Variants in MFSD6 observed in about 807,000 individuals in gnomAD.
The protein encoded by MFSD6 is major facilitator superfamily domain containing 6, also known as major facilitator superfamily domain-containing protein 6.
MFSD6 carries 26 observed loss-of-function variants against 56.3 expected under a neutral mutation model. That is an observed-to-expected ratio of 0.46 (90% confidence interval 0.34 to 0.64). The LOEUF (loss-of-function observed/expected upper bound fraction) is 0.64. Among genes scored for constraint, MFSD6 ranks in the 30% least tolerant of loss-of-function variants. MFSD6 has a pLI of 0.01. For missense variants in MFSD6, 750 were observed against 986.2 expected, an observed-to-expected ratio of 0.76 and a Z score of 3.21; for synonymous variants, 331 against 366.9, an observed-to-expected ratio of 0.90 and a Z score of 1.12.
rs576149265 is a variant in MFSD6, at chr2:190,477,907, A to C, written c.1630+8052A>C. On this transcript the variant is annotated intron_variant, in intron 4 of 7. Coordinates refer to ENST00000392328, the MANE Select transcript of MFSD6 (RefSeq NM_017694.4). ...AGCTAGATTCTGAAGGGCGAATAGG[A>C]ATCTACCAGGTGGTCTAAAGAGAGT... is the stretch of plus-strand genomic sequence containing the variant. 5.3e-5 allele frequency among the ~76,000 whole-genome samples: 8 copies of C among 152,164 alleles called. No individual in the cohort carries two copies. In the South Asian group the frequency reaches 1.7e-3, roughly 32 times the overall value.
intron 3 of MFSD6, among the ~76,000 whole-genome samples, chr2:190,468,261 T>G (rs1353567524): frequency 6.6e-6 from 1 of 152,186 alleles, no homozygotes; most frequent in East Asian, 1.9e-4. Context: ...CTTTTTGTAA[T>G]ACTTCACTGA....
rs1179724618 is a variant in MFSD6 at position 190,491,567 on chromosome 2, C to T, written c.1891+1701C>T. ...AGATCCAGAAGAGAAATGACAATCA[C>T]TACAGCCTGGCTGTCAGGAAGCCAC... On this transcript the variant is annotated intron_variant, in intron 6 of 7. Transcript: ENST00000392328. This position sits in a 1 kb window ranked among gnomAD's most constrained non-coding sequence, Gnocchi z 4.2. 6.6e-6 allele frequency among the ~76,000 whole-genome samples: 1 copy of T among 152,202 alleles called. No homozygotes were observed. Among genetic ancestry groups the T allele is most frequent in the Non-Finnish European group, 1.5e-5 (1 of 68,032 alleles).
In MFSD6 at chr2:190,436,779, C is replaced by T. The variant is rs1247492511; in HGVS notation, c.750C>T (p.Val250=). 1.2e-6 allele frequency: 2 copies of T among 1,614,096 alleles called. No individual in the cohort carries two copies. ...TGAACTCAAGCACAGCAACCCCTGT[C>T]TCCCCAGGAAGCGTAACCAAGGAGA... ...LTLNSSTATP[V]SPGSVTKETT... Residue 250 remains valine, a synonymous_variant, in exon 3 of 8, where the codon GTC becomes GTT. Coordinates refer to ENST00000392328, the MANE Select transcript of MFSD6 (RefSeq NM_017694.4). The surrounding 1 kb of genome is among the most constrained non-coding windows in gnomAD (Gnocchi z 5.3).
At chr2:190,481,944 ATC>A (rs777915768) in intron 4 of MFSD6, among the ~76,000 whole-genome samples, 12 of 152,208 alleles carry the variant, frequency 7.9e-5, no homozygotes, top group Non-Finnish European at 1.6e-4. Flanking sequence ...GCTACTCACC[ATC>A]TCTGTTTCCT....
Position 190,438,902 on chromosome 2 carries a change from TG to T in MFSD6, c.1532+1343del, listed in dbSNP as rs1686272245. On this transcript the variant is annotated intron_variant, in intron 3 of 7. Transcript: ENST00000392328. This position sits in a 1 kb window ranked among gnomAD's most constrained non-coding sequence, Gnocchi z 5.2. ...AGCAATTGTGAGTATTTTTTCTTGT[TG>T]GTTTGGTTTTGCTTCGGGAGGTGGT... Among the ~76,000 whole-genome samples the T allele has an allele frequency of 6.6e-6, 1 of 152,182 alleles. No homozygotes were observed. The highest frequency in any genetic ancestry group is 6.5e-5 in the Admixed American group (1 of 15,284).
rs575046191 is a variant in MFSD6 at position 190,499,340 on chromosome 2, G to A, written c.2173-675G>A. Among the ~76,000 whole-genome samples, 124 of 152,174 alleles carry A rather than the reference G, an allele frequency of 8.1e-4. 2 individuals are homozygous for A. Among genetic ancestry groups the A allele is most frequent in the Middle Eastern group, 3.4e-3 (1 of 294 alleles). ...CAAAAAGTGATGGGTACTAATTTGG[G>A]GGAGAATCCATTTAAATTTTTTTTT... On this transcript the variant is annotated intron_variant, in intron 7 of 7. Transcript: ENST00000392328. The surrounding 1 kb of genome is among the most constrained non-coding windows in gnomAD (Gnocchi z 6.0).
rs1391643916 is a variant in MFSD6 at position 190,424,172 on chromosome 2, T to C, written c.-54+8759T>C. Reference sequence around the variant, plus strand: ...TAACATTAGTTTTTCCTTTTATGGATCATGGTATCGGTGTCAAGTCTAAAA... The same window carrying C: ...TAACATTAGTTTTTCCTTTTATGGACCATGGTATCGGTGTCAAGTCTAAAA... On this transcript the variant is annotated intron_variant, in intron 2 of 7. Transcript: ENST00000392328. This position sits in a 1 kb window ranked among gnomAD's most constrained non-coding sequence, Gnocchi z 5.9. Among the ~76,000 whole-genome samples the C allele has an allele frequency of 6.6e-6, 1 of 152,064 alleles. No individual in the cohort carries two copies. Among genetic ancestry groups the C allele is most frequent in the Non-Finnish European group, 1.5e-5 (1 of 68,008 alleles).
rs753868608 is a variant in MFSD6 at position 190,489,767 on chromosome 2, G to A, written c.1793-1G>A. On this transcript the variant is annotated splice_acceptor_variant, in intron 5 of 7. Coordinates refer to ENST00000392328, the MANE Select transcript of MFSD6 (RefSeq NM_017694.4). LOFTEE classifies it high-confidence loss of function. The surrounding 1 kb of genome is among the most constrained non-coding windows in gnomAD (Gnocchi z 6.6). Reference sequence around the variant, plus strand: ...CTATAGAGTGCTGTTTGTTTTTATAGGGGCTGCTGCAACCTTCCGAGGAAT... The same window carrying A: ...CTATAGAGTGCTGTTTGTTTTTATAAGGGCTGCTGCAACCTTCCGAGGAAT... 3 of 1,613,702 alleles carry A rather than the reference G, an allele frequency of 1.9e-6. No individual in the cohort carries two copies. Among genetic ancestry groups the A allele is most frequent in the Non-Finnish European group, 2.5e-6 (3 of 1,179,758 alleles).
At chr2:190,468,104 CT>C (rs908663378) in intron 3 of MFSD6, among the ~76,000 whole-genome samples, 2 of 151,458 alleles carry the variant, frequency 1.3e-5, no homozygotes, top group Non-Finnish European at 2.9e-5. Context: ...TTTCCTGTGG[CT>C]TTTTTTTTCC....
chr2:190,432,420 GTTTTTGTTTT>G (rs967840819), intron 2 of MFSD6, among the ~76,000 whole-genome samples: 2 of 152,062 alleles, frequency 1.3e-5, no homozygotes, highest in African/African-American at 4.8e-5. Flanking sequence ...TTTCTTGTTT[GTTTTTGTTTT>G]TTGAGACAGA....
rs984147509 is a variant in MFSD6 at position 190,451,599 on chromosome 2, A to G, written c.1532+14038A>G. ...AAAGTAAGACAGAGTGAAGGGTCCT[A>G]AGAGTGACTGAGGAGAAGCAATTGT... On this transcript the variant is annotated intron_variant, in intron 3 of 7. Coordinates refer to ENST00000392328, the MANE Select transcript of MFSD6 (RefSeq NM_017694.4). The surrounding 1 kb of genome is among the most constrained non-coding windows in gnomAD (Gnocchi z 5.0). Among the ~76,000 whole-genome samples the G allele has an allele frequency of 6.6e-6, 1 of 152,214 alleles. No individual in the cohort carries two copies. Among genetic ancestry groups the G allele is most frequent in the African/African-American group, 2.4e-5 (1 of 41,460 alleles).
intron 4 of MFSD6, chr2:190,477,427 T>C: frequency 6.6e-6 from 6 of 907,232 alleles, no homozygotes; most frequent in Non-Finnish European, 7.9e-6. Context: ...AATACATGCA[T>C]ATAACTTTTT....
Position 190,489,999 on chromosome 2 carries a change from C to A in MFSD6, c.1891+133C>A. 2 of 656,558 alleles carry A rather than the reference C, an allele frequency of 3.0e-6. No homozygotes were observed. The highest frequency in any genetic ancestry group is 2.5e-6 in the Non-Finnish European group (1 of 395,594). The allele number at this position is 656,558 out of a possible 1,614,324, so 40.7% of individuals were successfully genotyped here. ...TGGCTCAATTTTCTGAGTGGCGTAT[C>A]GATGAATTCATGTGGACTATTGTTA... On this transcript the variant is annotated intron_variant, in intron 6 of 7. Coordinates refer to ENST00000392328, the MANE Select transcript of MFSD6 (RefSeq NM_017694.4). The surrounding 1 kb of genome is among the most constrained non-coding windows in gnomAD (Gnocchi z 6.6).
intron 2 of MFSD6, among the ~76,000 whole-genome samples, chr2:190,430,176 G>A (rs867005895): frequency 1.3e-5 from 2 of 150,988 alleles, no homozygotes; most frequent in Non-Finnish European, 1.5e-5. Flanking sequence ...GGACATGAAC[G>A]CATCCTTTTT....
chr2:190,488,842 T>C lies in MFSD6; in HGVS notation c.1792+24T>C. The stretch of plus-strand genomic sequence containing the variant: ...TGGTAAGAATGGCTTTCTCCTTTTT[T>C]TTCTTTTCTATTATTAAAACATGAT... On this transcript the variant is annotated intron_variant, in intron 5 of 7. Transcript: ENST00000392328. This position sits in a 1 kb window ranked among gnomAD's most constrained non-coding sequence, Gnocchi z 6.4. The C allele has an allele frequency of 6.6e-7, 1 of 1,516,112 alleles. No homozygotes were observed. The highest frequency in any genetic ancestry group is 8.8e-7 in the Non-Finnish European group (1 of 1,131,664). 93.9% of individuals were successfully genotyped at this position (1,516,112 alleles called of 1,614,324 possible).
At chr2:190,470,980 C>T (rs533521013) in intron 4 of MFSD6, among the ~76,000 whole-genome samples, 2 of 152,028 alleles carry the variant, frequency 1.3e-5, no homozygotes, top group African/African-American at 2.4e-5. Context: ...ATTCTGTTTA[C>T]AAATATATAG....
chr2:190,500,511 C>A lies in MFSD6; in HGVS notation c.*293C>A. The A allele has an allele frequency of 2.8e-6, 1 of 356,580 alleles. No individual in the cohort carries two copies. Among genetic ancestry groups the A allele is most frequent in the Non-Finnish European group, 5.1e-6 (1 of 194,486 alleles). The allele number at this position is 356,580 out of a possible 1,614,324, so 22.1% of individuals were successfully genotyped here. A position where few individuals can be genotyped will look rare whatever the true frequency, so the allele number is the denominator to read the frequency against. ...GGATGATAGAATTTCTCTGCCAGTG[C>A]AGTAAGAGTTGAAACCGGCAGTTAC... On this transcript the variant is annotated 3_prime_UTR_variant, in exon 8 of 8. Transcript: ENST00000392328. This position sits in a 1 kb window ranked among gnomAD's most constrained non-coding sequence, Gnocchi z 5.3.
At chr2:190,441,606 C>T (rs182106077) in intron 3 of MFSD6, among the ~76,000 whole-genome samples, 80 of 152,208 alleles carry the variant, frequency 5.3e-4, no homozygotes, top group Non-Finnish European at 7.8e-4. Flanking sequence ...TACTTATGTA[C>T]ATGTGCTGGT....
At position 190,417,968 on chromosome 2, in the gene MFSD6, GTGTGTGTGT is replaced by G. The variant is rs1472601066; in HGVS notation, c.-54+2556_-54+2564del. 1.0e-5 allele frequency among the ~76,000 whole-genome samples: 1 copy of G among 95,288 alleles called. No homozygotes were observed. The highest frequency in any genetic ancestry group is 2.9e-4 in the South Asian group (1 of 3,466). The allele number at this position is 95,288 out of a possible 152,430, so 62.5% of individuals were successfully genotyped here. A position where few individuals can be genotyped will look rare whatever the true frequency, so the allele number is the denominator to read the frequency against. On this transcript the variant is annotated intron_variant, in intron 2 of 7. Coordinates refer to ENST00000392328, the MANE Select transcript of MFSD6 (RefSeq NM_017694.4). This position sits in a 1 kb window ranked among gnomAD's most constrained non-coding sequence, Gnocchi z 5.7. ...ACTTTTCATTTAACCCTTTAGTGGT[GTGTGTGTGT>G]GTGTGTGTGTGTGTGTGTGTGTGTA...
Sources: allele counts gnomAD v4.1 joint callset (sites outside exome capture counted in the v4.1 genomes callset), GRCh38; gene constraint gnomAD v4.1.1; non-coding constraint Gnocchi (gnomAD v3.1); transcripts MANE v1.5; gene names NCBI Gene and HGNC (gene_info 2026-07-23, HGNC 2026-07-21).